RALGPS1: variants seen among roughly 807,000 people sequenced by gnomAD.
RALGPS1 encodes Ral GEF with PH domain and SH3 binding motif 1.
RALGPS1 carries 19 observed loss-of-function variants against 78.8 expected under a neutral mutation model. The observed-to-expected ratio is 0.24, with a 90% confidence interval of 0.17 to 0.35. The LOEUF is 0.35. Ranked by LOEUF, RALGPS1 falls within the 10% of genes least tolerant of loss-of-function variation. The pLI, the probability that RALGPS1 is intolerant of heterozygous loss-of-function variation, is 1.00. For synonymous variants in RALGPS1, 228 were observed against 256.3 expected (o/e 0.89, Z 1.06); for missense variants, 454 against 688.3 (o/e 0.66, Z 3.81).
At chr9:127,031,616 G>A (rs2046437574) in intron 4 of RALGPS1, among the ~76,000 whole-genome samples, 1 of 152,234 alleles carries the variant, frequency 6.6e-6, no homozygotes, top group African/African-American at 2.4e-5. Context: ...AGTACTGAAG[G>A]AACTGATGCT....
chr9:126,972,506 A>C (rs2040212371), intron 3 of RALGPS1, among the ~76,000 whole-genome samples: 1 of 152,228 alleles, frequency 6.6e-6, no homozygotes, highest in African/African-American at 2.4e-5. Context: ...AGTGAACATC[A>C]ATAGCCACTA....
intron 4 of RALGPS1, among the ~76,000 whole-genome samples, chr9:126,995,428 C>A (rs2042651476): frequency 6.6e-6 from 1 of 152,100 alleles, no homozygotes; most frequent in Non-Finnish European, 1.5e-5. Context: ...TCAAAAGAGA[C>A]AAAGAAGGCC....
intron 4 of RALGPS1, among the ~76,000 whole-genome samples, chr9:126,982,831 C>A (rs575324715): frequency 7.4e-6 from 1 of 135,120 alleles, no homozygotes; most frequent in African/African-American, 2.5e-5. Context: ...TCTTCTTCCT[C>A]TTCTTCTTCC....
intron 8 of RALGPS1, among the ~76,000 whole-genome samples, chr9:127,163,851 A>G (rs1455461219): frequency 2.0e-5 from 3 of 152,218 alleles, no homozygotes; most frequent in Non-Finnish European, 2.9e-5. Flanking sequence ...GTTAATTCCA[A>G]TATTTGTAAT....
intron 8 of RALGPS1, chr9:127,070,120 T>TCA (rs2050065996): frequency 6.6e-6 from 1 of 152,202 alleles, no homozygotes; most frequent in South Asian, 2.1e-4. Flanking sequence ...GATGAAGCTG[T>TCA]TCCACCTCAG....
chr9:126,926,471 A>G (rs2035291719), intron 1 of RALGPS1, among the ~76,000 whole-genome samples: 1 of 152,118 alleles, frequency 6.6e-6, no homozygotes, highest in Non-Finnish European at 1.5e-5. Flanking sequence ...AGCAGGAGGG[A>G]GTATGATGTG....
chr9:127,115,163 GGTCTGTT>G (rs1288880092), intron 8 of RALGPS1, among the ~76,000 whole-genome samples: 1 of 152,012 alleles, frequency 6.6e-6, no homozygotes, highest in Admixed American at 6.6e-5. Context: ...CCCCAGTTGA[GGTCTGTT>G]GTCTTACGTA....
intron 4 of RALGPS1, among the ~76,000 whole-genome samples, chr9:126,994,374 G>T (rs1209145697): frequency 1.3e-5 from 2 of 152,202 alleles, no homozygotes; most frequent in Non-Finnish European, 2.9e-5. Flanking sequence ...CGAGAGCTAC[G>T]TGATGAATGC....
chr9:127,108,069 C>T (rs200482792), intron 8 of RALGPS1: 22 of 844,668 alleles, frequency 2.6e-5, no homozygotes, highest in East Asian at 4.9e-5. Flanking sequence ...AGACCCGGGG[C>T]GGGGCAGCGG....
chr9:127,092,778 C>T (rs929727672), intron 8 of RALGPS1, among the ~76,000 whole-genome samples: 2 of 151,996 alleles, frequency 1.3e-5, no homozygotes, highest in Non-Finnish European at 2.9e-5. Flanking sequence ...AGGAGTCTCC[C>T]GCTCCTAATG....
At position 127,140,792 on chromosome 9, in the gene RALGPS1, C is replaced by T. The variant is rs1388747434; in HGVS notation, c.611-25277C>T. Among the ~76,000 whole-genome samples, 6 of 152,298 alleles carry T rather than the reference C, an allele frequency of 3.9e-5. No individual in the cohort carries two copies. The East Asian group carries it at 1.2e-3, about 29-fold the overall frequency. On this transcript the variant is annotated intron_variant, in intron 8 of 18. Coordinates refer to ENST00000259351, the MANE Select transcript of RALGPS1 (RefSeq NM_014636.3). ...TTAAGATACACAGAACAGCATGGGG[C>T]AGCCATGGAGTCCACGCTGGAAGAG...
chr9:126,969,912 T>G (rs2039938010), intron 3 of RALGPS1, among the ~76,000 whole-genome samples: 1 of 152,192 alleles, frequency 6.6e-6, no homozygotes, highest in Admixed American at 6.5e-5. Context: ...CTAGTATGTC[T>G]TCAGCTTACA....
At chr9:127,004,113 CT>C (rs939377730) in intron 4 of RALGPS1, among the ~76,000 whole-genome samples, 9 of 152,098 alleles carry the variant, frequency 5.9e-5, no homozygotes, top group African/African-American at 2.2e-4. Flanking sequence ...TTTTCTTTCT[CT>C]TCTTTCTTCT....
At chr9:127,097,120 A>G (rs935381281) in intron 8 of RALGPS1, among the ~76,000 whole-genome samples, 1 of 152,262 alleles carries the variant, frequency 6.6e-6, no homozygotes, top group African/African-American at 2.4e-5. Context: ...CAGCGAAAAA[A>G]ATAAAACATA....
rs557773886 is a variant in RALGPS1 at position 127,094,697 on chromosome 9, T to G, written c.610+25341T>G. Among the ~76,000 whole-genome samples the G allele has an allele frequency of 3.3e-4, 50 of 152,332 alleles. 1 individual carries two copies. In the South Asian group the frequency reaches 0.01, roughly 31 times the overall value. On this transcript the variant is annotated intron_variant, in intron 8 of 18. Transcript: ENST00000259351. ...AGGAAGCTCAGTGAGGGCCAGATGC[T>G]TGGCACTCACGCATTCTGAGGTCCT... is the stretch of plus-strand genomic sequence containing the variant.
chr9:127,183,153 C>T lies in RALGPS1; in HGVS notation c.910+8371C>T, dbSNP rs1363655495. 2.0e-5 allele frequency among the ~76,000 whole-genome samples: 3 copies of T among 149,266 alleles called. No individual in the cohort carries two copies. The highest frequency in any genetic ancestry group is 2.2e-4 in the South Asian group (1 of 4,612). On this transcript the variant is annotated intron_variant, in intron 11 of 18. Transcript: ENST00000259351. This position sits in a 1 kb window ranked among gnomAD's most constrained non-coding sequence, Gnocchi z 4.0. The stretch of plus-strand genomic sequence containing the variant: ...AAGCCATTCATGAAGGATCCGCCCC[C>T]GACCCAGTCACCCCACCAGGCCTCG...
At chr9:126,919,363 C>T (rs948670909) in intron 1 of RALGPS1, among the ~76,000 whole-genome samples, 1 of 152,118 alleles carries the variant, frequency 6.6e-6, no homozygotes, top group Non-Finnish European at 1.5e-5. Flanking sequence ...AAAAAGTGGC[C>T]TTGGTCCCAG....
At chr9:127,092,361 G>A (rs967324809) in intron 8 of RALGPS1, among the ~76,000 whole-genome samples, 1 of 152,152 alleles carries the variant, frequency 6.6e-6, no homozygotes. Flanking sequence ...CGTGTAAGCT[G>A]TAACGCACCA....
chr9:127,163,931 C>T (rs1331573938), intron 8 of RALGPS1, among the ~76,000 whole-genome samples: 1 of 152,126 alleles, frequency 6.6e-6, no homozygotes, highest in Non-Finnish European at 1.5e-5. Flanking sequence ...TTGGTCAGAA[C>T]CCATAAGTTT....
Sources: gnomAD v4.1 joint callset for allele counts (sites outside exome capture counted in the v4.1 genomes callset) on GRCh38, gnomAD v4.1.1 for gene constraint, Gnocchi (gnomAD v3.1) non-coding constraint, MANE v1.5 for transcripts, NCBI Gene and HGNC (gene_info 2026-07-23, HGNC 2026-07-21) for gene names.